The following C12orf42 variants were observed in gnomAD, a reference collection of about 807,000 sequenced individuals.
The protein encoded by C12orf42 is uncharacterized protein C12orf42.
Under a neutral mutation model 21.6 loss-of-function variants are expected in C12orf42, and 25 were observed. That is an observed-to-expected ratio of 1.16 (90% CI 0.84 to 1.62). The LOEUF is 1.62. Among genes scored for constraint, C12orf42 ranks in the 40% most tolerant of loss-of-function variants. The probability of loss-of-function intolerance (pLI) is 0.00; values close to 1 mark genes in which losing one functional copy is unlikely to be tolerated. For missense variants in C12orf42, 483 were observed against 459.3 expected (o/e 1.05, Z -0.47); for synonymous variants, 174 against 175.0 (o/e 0.99, Z 0.05).
chr12:103,218,046 C>T, the C12orf42 span, among the ~76,000 whole-genome samples: 47 of 152,234 alleles, frequency 3.1e-4, no homozygotes, highest in Non-Finnish European at 5.7e-4. Flanking sequence ...TTTTGGGAGG[C>T]GAGGTGAGTG....
chr12:103,098,001 G>C, the C12orf42 span, among the ~76,000 whole-genome samples: 2 of 152,212 alleles, frequency 1.3e-5, no homozygotes, highest in African/African-American at 4.8e-5. Context: ...CGTATGACCT[G>C]AAGAACAGGA....
the C12orf42 span, among the ~76,000 whole-genome samples, chr12:103,523,289 A>T: frequency 6.6e-6 from 1 of 152,158 alleles, no homozygotes; most frequent in Non-Finnish European, 1.5e-5. Context: ...TCATTTCTTT[A>T]GACAGCCTAT....
the C12orf42 span, among the ~76,000 whole-genome samples, chr12:103,175,630 A>G: frequency 6.6e-6 from 1 of 152,202 alleles, no homozygotes; most frequent in African/African-American, 2.4e-5. Context: ...ATTTTCTATT[A>G]CACTCCACTT....
chr12:103,401,700 T>C (rs762667016), intron 2 of C12orf42, 25 bp from the exon 3 acceptor site: 6 of 1,591,700 alleles, frequency 3.8e-6, no homozygotes, highest in Non-Finnish European at 5.2e-6. Context: ...ACAAGGCATT[T>C]AGTATCACTT....
chr12:103,294,444 A>G (rs1173262793), intron 4 of C12orf42, among the ~76,000 whole-genome samples: 92 of 127,164 alleles, frequency 7.2e-4, no homozygotes, highest in African/African-American at 2.8e-3. Flanking sequence ...GAAAGAAAGA[A>G]AGAAAGAAAG....
the C12orf42 span, among the ~76,000 whole-genome samples, chr12:103,183,068 T>C: frequency 1.3e-5 from 2 of 152,236 alleles, no homozygotes; most frequent in African/African-American, 4.8e-5. Context: ...TTTAATTGCA[T>C]TCTCTTGCTC....
chr12:103,104,919 CTGTT>C, the C12orf42 span, among the ~76,000 whole-genome samples: 86 of 152,326 alleles, frequency 5.6e-4, no homozygotes, highest in Non-Finnish European at 1.1e-3. Flanking sequence ...ACATTTGTCT[CTGTT>C]TGAGGCTCTA....
At chr12:103,218,701 A>G in the C12orf42 span, among the ~76,000 whole-genome samples, 1 of 152,188 alleles carries the variant, frequency 6.6e-6, no homozygotes, top group Non-Finnish European at 1.5e-5. Flanking sequence ...AAAATATATA[A>G]TCATCTCTGT....
intron 4 of C12orf42, among the ~76,000 whole-genome samples, chr12:103,349,614 G>GT (rs2042940384): frequency 6.6e-6 from 1 of 151,894 alleles, no homozygotes; most frequent in Non-Finnish European, 1.5e-5. Flanking sequence ...AACTGTGTAA[G>GT]TATCTTGGTA....
the C12orf42 span, among the ~76,000 whole-genome samples, chr12:103,153,051 G>A: frequency 6.6e-6 from 1 of 152,106 alleles, no homozygotes; most frequent in Non-Finnish European, 1.5e-5. Flanking sequence ...AAAAGGTATT[G>A]TCACACATCA....
At chr12:103,274,724 C>A (rs1228061519) in intron 5 of C12orf42, among the ~76,000 whole-genome samples, 3 of 152,094 alleles carry the variant, frequency 2.0e-5, no homozygotes. Context: ...ATAAATGAAT[C>A]CTTCTCAAGG....
At chr12:103,423,528 G>A (rs1179609789) in intron 2 of C12orf42, among the ~76,000 whole-genome samples, 1 of 152,140 alleles carries the variant, frequency 6.6e-6, no homozygotes, top group Non-Finnish European at 1.5e-5. Context: ...AGTTGAATGG[G>A]AAATTTTCAA....
chr12:103,249,540 C>T (rs1001996930), intron 10 of C12orf42, among the ~76,000 whole-genome samples: 1 of 151,914 alleles, frequency 6.6e-6, no homozygotes, highest in African/African-American at 2.4e-5. Flanking sequence ...TATTGGAAGT[C>T]CTTAGAGTAG....
intron 3 of C12orf42, among the ~76,000 whole-genome samples, chr12:103,393,088 T>C (rs1349976880): frequency 6.6e-6 from 1 of 151,888 alleles, no homozygotes; most frequent in African/African-American, 2.4e-5. Flanking sequence ...TTTTGGTCAG[T>C]CAACCAGAAT....
intron 2 of C12orf42, among the ~76,000 whole-genome samples, chr12:103,437,994 G>A (rs902877172): frequency 2.6e-5 from 4 of 151,016 alleles, no homozygotes; most frequent in African/African-American, 9.7e-5. Context: ...GAGCATCGAT[G>A]CAAAAATCCT....
chr12:103,507,457 G>C, the C12orf42 span, among the ~76,000 whole-genome samples: 1 of 143,590 alleles, frequency 7.0e-6, no homozygotes, highest in African/African-American at 2.6e-5. Context: ...ATGGCTTGAG[G>C]CTAGGATTTC....
At chr12:103,484,851 G>T (rs1199031728) in intron 1 of C12orf42, among the ~76,000 whole-genome samples, 1 of 148,646 alleles carries the variant, frequency 6.7e-6, no homozygotes, top group East Asian at 2.0e-4. Flanking sequence ...GTAAGGAAGG[G>T]ATCTGGTTTC....
At chr12:103,095,140 C>T in the C12orf42 span, among the ~76,000 whole-genome samples, 3 of 152,108 alleles carry the variant, frequency 2.0e-5, no homozygotes, top group Non-Finnish European at 2.9e-5. Context: ...TGGTAATAGC[C>T]CCCTGATTGG....
chr12:103,542,823 T>A, the C12orf42 span, among the ~76,000 whole-genome samples: 119 of 152,248 alleles, frequency 7.8e-4, no homozygotes, highest in African/African-American at 2.7e-3. Context: ...GATCAAGGAG[T>A]TATAGCCACT....
Sources: gnomAD v4.1 joint callset for allele counts (sites outside exome capture counted in the v4.1 genomes callset) on GRCh38, gnomAD v4.1.1 for gene constraint, MANE v1.5 for transcripts, NCBI Gene and HGNC (gene_info 2026-07-23, HGNC 2026-07-21) for gene names.